ABI1: variants seen among roughly 807,000 people sequenced by gnomAD.
The protein encoded by ABI1 is abl interactor 1.
A neutral mutation model predicts 54.6 loss-of-function variants in ABI1; 14 were observed. The ratio of observed to expected loss-of-function variants is 0.26; its 90% CI spans 0.17 to 0.40. ABI1 has a LOEUF of 0.40. Ranked by LOEUF, ABI1 falls within the 10% of genes least tolerant of loss-of-function variation. The pLI, the probability that ABI1 is intolerant of heterozygous loss-of-function variation, is 1.00. For missense variants in ABI1, 443 were observed against 598.3 expected (o/e 0.74, Z 2.71); for synonymous variants, 194 against 209.3 (o/e 0.93, Z 0.63).
At chr10:26,819,291 T>C (rs565942751) in intron 2 of ABI1, among the ~76,000 whole-genome samples, 1 of 152,262 alleles carries the variant, frequency 6.6e-6, no homozygotes, top group South Asian at 2.1e-4. Flanking sequence ...ATGGTTGTAT[T>C]CATATCAGAC....
intron 2 of ABI1, among the ~76,000 whole-genome samples, chr10:26,806,287 T>C (rs2046871589): frequency 6.6e-6 from 1 of 152,224 alleles, no homozygotes; most frequent in African/African-American, 2.4e-5. Flanking sequence ...ATCAATAAAA[T>C]ACTTTCATGG....
chr10:26,805,317 G>A (rs57564433), intron 2 of ABI1, among the ~76,000 whole-genome samples: 3,142 of 151,638 alleles, frequency 0.021, 113 homozygotes, highest in African/African-American at 0.071. Flanking sequence ...CCTGGTGAGT[G>A]AACGGCTTAC....
chr10:26,757,363 C>T lies in ABI1; in HGVS notation c.998-1622G>A, dbSNP rs114934360. On this transcript the variant is annotated intron_variant, in intron 8 of 10. Transcript: ENST00000376140. ...TTAAAGTATACGGTTTGAAAATAAT[C>T]CACACAAGCATTGCTAAAATAAAAC... 5.7e-3 allele frequency among the ~76,000 whole-genome samples: 871 copies of T among 152,086 alleles called. 8 individuals are homozygous for T. Among genetic ancestry groups the T allele is most frequent in the African/African-American group, 0.02 (821 of 41,500 alleles).
At chr10:26,804,382 A>G (rs12244505) in intron 2 of ABI1, among the ~76,000 whole-genome samples, 1 of 138,318 alleles carries the variant, frequency 7.2e-6, no homozygotes, top group African/African-American at 2.6e-5. Context: ...GGCTCTATTT[A>G]AAAAAAAAAA....
chr10:26,800,004 T>TAAAAA (rs56949695), intron 2 of ABI1, among the ~76,000 whole-genome samples: 1 of 124,716 alleles, frequency 8.0e-6, no homozygotes, highest in Non-Finnish European at 1.8e-5. Context: ...CACAAAAACG[T>TAAAAA]AAAAAAAAAA....
chr10:26,781,376 T>C (rs1206671575), intron 2 of ABI1, among the ~76,000 whole-genome samples: 1 of 152,232 alleles, frequency 6.6e-6, no homozygotes, highest in Non-Finnish European at 1.5e-5. Flanking sequence ...GCTTCTCCCT[T>C]TGAGAAAGTC....
At chr10:26,774,229 C>T (rs1203425066) in intron 3 of ABI1, among the ~76,000 whole-genome samples, 1 of 152,070 alleles carries the variant, frequency 6.6e-6, no homozygotes, top group African/African-American at 2.4e-5. Context: ...TTATTTTTTA[C>T]TCTTGTATTG....
intron 2 of ABI1, chr10:26,790,578 T>G (rs1304217454): frequency 2.0e-5 from 3 of 152,324 alleles, no homozygotes; most frequent in South Asian, 4.1e-4. Context: ...ATGTCATCCT[T>G]GCACAGGGGC....
chr10:26,860,923 C>T lies in ABI1; in HGVS notation c.-60G>A. 1.3e-6 allele frequency: 2 copies of T among 1,502,828 alleles called. No individual in the cohort carries two copies. Among genetic ancestry groups the T allele is most frequent in the Admixed American group, 3.3e-5 (2 of 59,818 alleles). The allele number at this position is 1,502,828 out of a possible 1,614,324, so 93.1% of individuals were successfully genotyped here. ...AAGAGACAGAGGCAGCAAGGTCCGC[C>T]GAGGCTCCGAGCACCTCACAGCCCG... On this transcript the variant is annotated 5_prime_UTR_variant, in exon 1 of 11. Transcript: ENST00000376140. The surrounding 1 kb of genome is among the most constrained non-coding windows in gnomAD (Gnocchi z 4.1).
At chr10:26,784,438 T>G (rs1234817285) in intron 2 of ABI1, among the ~76,000 whole-genome samples, 1 of 152,034 alleles carries the variant, frequency 6.6e-6, no homozygotes, top group Admixed American at 6.6e-5. Context: ...AGAGAAGTAT[T>G]CATACTGTAC....
chr10:26,748,077 A>G lies in ABI1; in HGVS notation c.*493T>C, dbSNP rs1837134247. On this transcript the variant is annotated 3_prime_UTR_variant, in exon 11 of 11. Transcript: ENST00000376140. ...ATTACACAAATGGGAAGCATCTTGAATTTTTAAGTATATTTCAATACATAA... is the reference window on the plus strand; with the variant it reads ...ATTACACAAATGGGAAGCATCTTGAGTTTTTAAGTATATTTCAATACATAA... 4.8e-6 allele frequency: 1 copy of G among 207,180 alleles called. No individual in the cohort carries two copies. Among genetic ancestry groups the G allele is most frequent in the Non-Finnish European group, 9.8e-6 (1 of 101,794 alleles). 12.8% of individuals were successfully genotyped at this position (207,180 alleles called of 1,614,324 possible). A position where few individuals can be genotyped will look rare whatever the true frequency, so the allele number is the denominator to read the frequency against.
chr10:26,749,630 T>G (rs569923374), intron 10 of ABI1, among the ~76,000 whole-genome samples: 3 of 152,330 alleles, frequency 2.0e-5, no homozygotes, highest in Admixed American at 2.0e-4. Flanking sequence ...ATTTTGGATT[T>G]TGGAGCATTT....
intron 1 of ABI1, 124 bp from the exon 2 acceptor site, chr10:26,823,429 C>A: frequency 2.5e-6 from 2 of 796,652 alleles, no homozygotes; most frequent in Non-Finnish European, 3.6e-6. Flanking sequence ...CTCACTGTAC[C>A]AATATGATAG....
chr10:26,764,982 T>A (rs1032623735), intron 7 of ABI1, among the ~76,000 whole-genome samples: 2 of 152,138 alleles, frequency 1.3e-5, no homozygotes, highest in African/African-American at 4.8e-5. Context: ...AACAAAAAGT[T>A]ATTTAACAAA....
chr10:26,780,182 C>T (rs561731863), intron 2 of ABI1, among the ~76,000 whole-genome samples: 1 of 152,154 alleles, frequency 6.6e-6, no homozygotes, highest in East Asian at 1.9e-4. Flanking sequence ...TATAGTTGTT[C>T]GATCAAGGTG....
intron 10 of ABI1, among the ~76,000 whole-genome samples, chr10:26,749,329 A>G (rs1837325928): frequency 6.6e-6 from 1 of 152,216 alleles, no homozygotes; most frequent in African/African-American, 2.4e-5. Context: ...TTCAAGATAC[A>G]GGTTGAGTAA....
intron 1 of ABI1, among the ~76,000 whole-genome samples, chr10:26,836,414 CTT>C (rs1475183006): frequency 1.3e-5 from 2 of 152,058 alleles, no homozygotes; most frequent in Admixed American, 6.6e-5. Flanking sequence ...CGCCTGACCT[CTT>C]GATAGTATCT....
At chr10:26,832,309 G>A (rs929156601) in intron 1 of ABI1, among the ~76,000 whole-genome samples, 7 of 152,250 alleles carry the variant, frequency 4.6e-5, no homozygotes, top group South Asian at 2.1e-4. Context: ...TTGGCCGGGC[G>A]CAGTGGCTCA....
At chr10:26,754,096 C>T (rs932151588) in intron 9 of ABI1, among the ~76,000 whole-genome samples, 2 of 152,178 alleles carry the variant, frequency 1.3e-5, no homozygotes, top group African/African-American at 2.4e-5. Context: ...CAGCAGTTTA[C>T]CCTTACTCAT....
Sources: allele counts gnomAD v4.1 joint callset (sites outside exome capture counted in the v4.1 genomes callset), GRCh38; gene constraint gnomAD v4.1.1; non-coding constraint Gnocchi (gnomAD v3.1); transcripts MANE v1.5; gene names NCBI Gene and HGNC (gene_info 2026-07-23, HGNC 2026-07-21).